The following FGD3 variants were observed in gnomAD, a reference collection of about 807,000 sequenced individuals.
The protein encoded by FGD3 is FYVE, RhoGEF and PH domain containing 3.
A neutral mutation model predicts 71.8 loss-of-function variants in FGD3; 45 were observed. That is an observed-to-expected ratio of 0.63 (90% CI 0.49 to 0.80). The LOEUF (loss-of-function observed/expected upper bound fraction) is 0.80. Among genes scored for constraint, FGD3 ranks in the 30% least tolerant of loss-of-function variants. The probability of loss-of-function intolerance (pLI) is 0.00; values close to 1 mark genes in which losing one functional copy is unlikely to be tolerated. For synonymous variants in FGD3, 378 were observed against 392.8 expected, an observed-to-expected ratio of 0.96 and a Z score of 0.44; for missense variants, 844 against 951.5, an observed-to-expected ratio of 0.89 and a Z score of 1.49.
chr9:92,968,567 G>A (rs371014761), intron 1 of FGD3, among the ~76,000 whole-genome samples: 137 of 151,754 alleles, frequency 9.0e-4, no homozygotes, highest in African/African-American at 3.2e-3. Flanking sequence ...AGGTCACAAG[G>A]TGGCTTTAAT....
In FGD3 at chr9:93,004,091, G is replaced by A. The variant is rs1221409347; in HGVS notation, c.634G>A (p.Gly212Arg). The A allele has an allele frequency of 6.2e-7, 1 of 1,614,154 alleles. No homozygotes were observed. Among genetic ancestry groups the A allele is most frequent in the Non-Finnish European group, 8.5e-7 (1 of 1,180,044 alleles). Residue 212 changes from glycine (G) to arginine (R), a missense_variant, in exon 5 of 18, where the codon GGG becomes AGG. Physicochemically the swap from Gly to Arg is moderately radical, Grantham distance 125 (BLOSUM62 -2). Transcript: ENST00000375482. Reference sequence around the variant, plus strand: ...CATCTCCTCCATCCACCGCTTCCACGGGCAGTTCCTGCTGCCGGAGCTGAA... The same window carrying A: ...CATCTCCTCCATCCACCGCTTCCACAGGCAGTTCCTGCTGCCGGAGCTGAA... ...SNISSIHRFHGQFLLPELKTR... is the reference protein window; with the variant it reads ...SNISSIHRFHRQFLLPELKTR...
intron 1 of FGD3, among the ~76,000 whole-genome samples, chr9:92,972,438 G>C (rs1183807777): frequency 1.4e-5 from 2 of 143,412 alleles, no homozygotes; most frequent in East Asian, 4.0e-4. Context: ...GTGTGACAGA[G>C]CGAGACTCCA....
Position 92,976,714 on chromosome 9 carries a change from G to C in FGD3, c.453+5G>C. 2 of 1,563,854 alleles carry C rather than the reference G, an allele frequency of 1.3e-6. No homozygotes were observed. Among genetic ancestry groups the C allele is most frequent in the Non-Finnish European group, 1.7e-6 (2 of 1,154,186 alleles). On this transcript the variant is annotated splice_donor_5th_base_variant and intron_variant, in intron 3 of 17. Transcript: ENST00000375482. ...AAGGATGCCGGCCTGGCCCAGGTAG[G>C]CTTCCCCTTCTCTGTCCCCGCTGCG... is the stretch of plus-strand genomic sequence containing the variant.
In FGD3 at chr9:92,976,491, G is replaced by A. The variant is rs770769294; in HGVS notation, c.235G>A (p.Asp79Asn). Residue 79 changes from aspartate (D) to asparagine (N), a missense_variant, in exon 3 of 18, where the codon GAC (aspartate) becomes AAC (asparagine). By Grantham distance (23) the Asp-to-Asn change is conservative. Transcript: ENST00000375482. ...GATCCCCAACCGGGACAGCGGGATC[G>A]ACAGTCCCTCCTCCAGTGTGGCTGG... ...LKIPNRDSGI[D>N]SPSSSVAGEN... 1.5e-5 allele frequency: 24 copies of A among 1,612,104 alleles called. No homozygotes were observed. The highest frequency in any genetic ancestry group is 9.9e-5 in the South Asian group (9 of 90,762).
In FGD3 at chr9:92,989,579, C is replaced by T. The variant is rs1003698356; in HGVS notation, c.453+12870C>T. 1.1e-4 allele frequency among the ~76,000 whole-genome samples: 16 copies of T among 152,164 alleles called. 1 individual carries two copies. The highest frequency in any genetic ancestry group is 5.9e-4 in the Admixed American group (9 of 15,284). On this transcript the variant is annotated intron_variant, in intron 3 of 17. Transcript: ENST00000375482. ...ACAGTCTGTGGCCTGTGCCTTTCTC[C>T]AAAGAGGACTTTGAAGTCTTCAGTA...
Position 93,011,210 on chromosome 9 carries a change from G to T in FGD3, c.977-4G>T, listed in dbSNP as rs771341232. On this transcript the variant is annotated splice_polypyrimidine_tract_variant and splice_region_variant and intron_variant, in intron 7 of 17. Coordinates refer to ENST00000375482, the MANE Select transcript of FGD3 (RefSeq NM_001083536.2). ...CCAGGCTGAACACAGTCTTCTTCCT[G>T]CAGGGTCCTTGGAGCTCATCTCCAC... The T allele has an allele frequency of 4.3e-6, 7 of 1,614,136 alleles. No homozygotes were observed. The highest frequency in any genetic ancestry group is 5.9e-6 in the Non-Finnish European group (7 of 1,179,990).
Position 93,034,600 on chromosome 9 carries a change from G to A in FGD3, c.1845G>A (p.Glu615=). Residue 615 remains glutamate, a synonymous_variant, in exon 17 of 18, where the codon GAG becomes GAA. Transcript: ENST00000375482. ...TCTGCGGCCCCCTGCGGCTGTCAGA[G>A]AGCGGTGAGACCTGGAGCGAGGTGT... ...SLLCGPLRLS[E]SGETWSEVWA... 1 of 1,613,564 alleles carries A rather than the reference G, an allele frequency of 6.2e-7. No homozygotes were observed. The highest frequency in any genetic ancestry group is 8.5e-7 in the Non-Finnish European group (1 of 1,179,884).
chr9:93,003,928 T>C lies in FGD3; in HGVS notation c.544-73T>C, dbSNP rs940651927. 2 of 1,588,418 alleles carry C rather than the reference T, an allele frequency of 1.3e-6. No homozygotes were observed. Among genetic ancestry groups the C allele is most frequent in the African/African-American group, 2.7e-5 (2 of 74,530 alleles). On this transcript the variant is annotated intron_variant, in intron 4 of 17. Transcript: ENST00000375482. The surrounding 1 kb of genome is among the most constrained non-coding windows in gnomAD (Gnocchi z 4.1). ...GGCCCCTCCCGAGCGCCCTCACCTG[T>C]GGCCGAAGCGGGGCGGCAACTGTGC...
At chr9:92,978,088 G>T (rs1405696800) in intron 3 of FGD3, among the ~76,000 whole-genome samples, 1 of 152,104 alleles carries the variant, frequency 6.6e-6, no homozygotes, top group Non-Finnish European at 1.5e-5. Flanking sequence ...TTTGAGACCA[G>T]CCTGACCAAC....
At chr9:92,987,040 TAGAC>T (rs1860212249) in intron 3 of FGD3, among the ~76,000 whole-genome samples, 2 of 152,172 alleles carry the variant, frequency 1.3e-5, no homozygotes, top group South Asian at 2.1e-4. Flanking sequence ...GCCTCCGAGG[TAGAC>T]AGTCCAGTGA....
At chr9:93,020,857 C>T (rs1861891099) in intron 13 of FGD3, among the ~76,000 whole-genome samples, 1 of 152,230 alleles carries the variant, frequency 6.6e-6, no homozygotes, top group Non-Finnish European at 1.5e-5. Flanking sequence ...TCACCCCTAC[C>T]CACCCTCCAC....
At chr9:93,013,324 G>C (rs772141047) in intron 8 of FGD3, among the ~76,000 whole-genome samples, 4 of 152,202 alleles carry the variant, frequency 2.6e-5, no homozygotes, top group African/African-American at 7.2e-5. Context: ...GGCTGTTGTC[G>C]AGGTTGCCGC....
intron 15 of FGD3, among the ~76,000 whole-genome samples, chr9:93,031,660 G>A (rs72741061): frequency 0.019 from 2,932 of 152,262 alleles, 65 homozygotes; most frequent in East Asian, 0.11. Flanking sequence ...TGAGACCTGC[G>A]ATATGAGCTC....
intron 1 of FGD3, among the ~76,000 whole-genome samples, chr9:92,958,156 G>T (rs1859099143): frequency 6.6e-6 from 1 of 151,888 alleles, no homozygotes; most frequent in African/African-American, 2.4e-5. Context: ...GCACCACCAT[G>T]CCCAGGTAAT....
At chr9:92,952,233 ATTTTTTT>A (rs35969028) in intron 1 of FGD3, among the ~76,000 whole-genome samples, 71 of 127,798 alleles carry the variant, frequency 5.6e-4, no homozygotes, top group Admixed American at 4.1e-4. Context: ...TTGAAAGTCA[ATTTTTTT>A]TTTTTTTTTT....
chr9:93,033,746 C>G (rs973762760), intron 16 of FGD3: 2 of 152,360 alleles, frequency 1.3e-5, no homozygotes, highest in African/African-American at 4.8e-5. Flanking sequence ...GTGTTGATCT[C>G]CCTCCTAGAG....
chr9:92,956,624 C>T (rs1458533108), intron 1 of FGD3, among the ~76,000 whole-genome samples: 1 of 152,128 alleles, frequency 6.6e-6, no homozygotes, highest in Non-Finnish European at 1.5e-5. Context: ...AGAGTTCCAG[C>T]CTCCTGGAAT....
At chr9:93,001,996 G>T (rs1860873601) in intron 3 of FGD3, among the ~76,000 whole-genome samples, 1 of 152,192 alleles carries the variant, frequency 6.6e-6, no homozygotes, top group African/African-American at 2.4e-5. Flanking sequence ...TGAGGGGATA[G>T]TGTTCAGGCC....
intron 3 of FGD3, among the ~76,000 whole-genome samples, chr9:92,990,132 G>A (rs941366202): frequency 6.6e-6 from 1 of 151,684 alleles, no homozygotes; most frequent in Admixed American, 6.6e-5. Context: ...TACAATATAG[G>A]TTTTCTATAT....
Sources: allele counts gnomAD v4.1 joint callset (sites outside exome capture counted in the v4.1 genomes callset), GRCh38; gene constraint gnomAD v4.1.1; non-coding constraint Gnocchi (gnomAD v3.1); transcripts MANE v1.5; gene names NCBI Gene and HGNC (gene_info 2026-07-23, HGNC 2026-07-21).